EEA1: variants seen among roughly 807,000 people sequenced by gnomAD.
EEA1 encodes the protein early endosome antigen 1.
EEA1 carries 111 observed loss-of-function variants against 209.2 expected under a neutral mutation model. That is an observed-to-expected ratio of 0.53 (90% CI 0.45 to 0.62). The LOEUF (loss-of-function observed/expected upper bound fraction) is 0.62. Among genes scored for constraint, EEA1 ranks in the 20% least tolerant of loss-of-function variants. EEA1 has a pLI of 0.00. For synonymous variants in EEA1, 536 were observed against 540.6 expected (o/e 0.99, Z 0.12); for missense variants, 1,343 against 1,530.8 (o/e 0.88, Z 2.05).
In EEA1 at chr12:92,864,950, G is replaced by C; in HGVS notation, c.155C>G (p.Ser52Cys). ...ICPQCMKSLGSADELFKHYEA... is the reference protein window; with the variant it reads ...ICPQCMKSLGCADELFKHYEA... ...ATAATGTTTGAAAAGTTCATCAGCAGATCCAAGAGATTTCATACACTGGGG... is the reference window on the plus strand; with the variant it reads ...ATAATGTTTGAAAAGTTCATCAGCACATCCAAGAGATTTCATACACTGGGG... The change falls in exon 3 of 29, where the codon TCT becomes TGT. Residue 52 changes from serine (S) to cysteine (C), a missense_variant. By Grantham distance (112) the Ser-to-Cys change is moderately radical (BLOSUM62 -1). This residue lies in a region of EEA1 where 1,307 missense variants were observed against 1,465.5 expected (regional missense o/e 0.89). Transcript: ENST00000322349. The C allele has an allele frequency of 6.2e-7, 1 of 1,610,564 alleles. No individual in the cohort carries two copies. The highest frequency in any genetic ancestry group is 8.5e-7 in the Non-Finnish European group (1 of 1,178,452).
At chr12:92,917,903 TACC>T (rs1269195617) in intron 1 of EEA1, among the ~76,000 whole-genome samples, 1 of 46,214 alleles carries the variant, frequency 2.2e-5, no homozygotes, top group Non-Finnish European at 4.4e-5. Flanking sequence ...GAGGAAGATC[TACC>T]AAGCAAATGG....
chr12:92,903,297 T>C (rs909520744), intron 1 of EEA1, among the ~76,000 whole-genome samples: 1 of 151,710 alleles, frequency 6.6e-6, no homozygotes, highest in Non-Finnish European at 1.5e-5. Flanking sequence ...ATGAAGGTTA[T>C]GTAGAAAAAT....
At chr12:92,791,791 ACT>A (rs1874416675) in intron 21 of EEA1, among the ~76,000 whole-genome samples, 1 of 152,054 alleles carries the variant, frequency 6.6e-6, no homozygotes, top group Non-Finnish European at 1.5e-5. Context: ...CATCTACAGA[ACT>A]CTCCACCCCA....
chr12:92,812,132 C>A (rs537162323), intron 16 of EEA1, among the ~76,000 whole-genome samples: 3 of 152,178 alleles, frequency 2.0e-5, no homozygotes, highest in Admixed American at 6.5e-5. Flanking sequence ...GAGTTTGAGA[C>A]CAGCCTGACC....
intron 11 of EEA1, among the ~76,000 whole-genome samples, chr12:92,829,775 T>C (rs1395622360): frequency 1.1e-5 from 1 of 94,446 alleles, no homozygotes; most frequent in Non-Finnish European, 2.0e-5. Flanking sequence ...TGAAACTCTG[T>C]CTTAAAAAAA....
intron 3 of EEA1, 33 bp downstream of exon 3, chr12:92,864,827 A>T (rs1191350261): frequency 6.6e-7 from 1 of 1,520,296 alleles, no homozygotes; most frequent in Non-Finnish European, 8.8e-7. Flanking sequence ...TGCATATTCC[A>T]TAACATTATA....
At chr12:92,903,491 G>C (rs777855518) in intron 1 of EEA1, among the ~76,000 whole-genome samples, 2 of 151,456 alleles carry the variant, frequency 1.3e-5, no homozygotes, top group Non-Finnish European at 2.9e-5. Context: ...CCAGCTACTC[G>C]AGAGGCTGAG....
chr12:92,829,313 A>G (rs1876493512), intron 11 of EEA1, among the ~76,000 whole-genome samples: 1 of 152,130 alleles, frequency 6.6e-6, no homozygotes, highest in Non-Finnish European at 1.5e-5. Context: ...TCTCAAAAGA[A>G]AAGAAAAAGA....
In EEA1 at chr12:92,772,878, T is replaced by C. The variant is rs533042845; in HGVS notation, c.*3133A>G. On this transcript the variant is annotated 3_prime_UTR_variant, in exon 29 of 29. Transcript: ENST00000322349. Reference sequence around the variant, plus strand: ...ACTGCATTGTGTTACAATAAATTTATTACTTCTACACAGAAAGAACTTAGT... The same window carrying C: ...ACTGCATTGTGTTACAATAAATTTACTACTTCTACACAGAAAGAACTTAGT... 26 of 152,430 alleles carry C rather than the reference T, an allele frequency of 1.7e-4. No homozygotes were observed. Among genetic ancestry groups the C allele is most frequent in the African/African-American group, 6.0e-4 (25 of 41,566 alleles). 9.4% of individuals were successfully genotyped at this position (152,430 alleles called of 1,614,324 possible).
intron 1 of EEA1, among the ~76,000 whole-genome samples, chr12:92,918,785 C>CA (rs1037446314): frequency 2.6e-5 from 3 of 113,830 alleles, no homozygotes; most frequent in Admixed American, 1.7e-4. Flanking sequence ...AAAAACCCTT[C>CA]AAAAAATCAA....
Position 92,862,021 on chromosome 12 carries a change from G to A in EEA1, c.245+2839C>T, listed in dbSNP as rs574245450. ...TATTTGATTGATGTTGATGAAATTC[G>A]CATATAAGCTGATGAACAGAAGGCT... is the stretch of plus-strand genomic sequence containing the variant. On this transcript the variant is annotated intron_variant, in intron 3 of 28. Transcript: ENST00000322349. Among the ~76,000 whole-genome samples, 4 of 152,176 alleles carry A rather than the reference G, an allele frequency of 2.6e-5. No individual in the cohort carries two copies. In the South Asian group the frequency reaches 6.2e-4, roughly 24 times the overall value.
chr12:92,804,810 C>T (rs1279443461), intron 18 of EEA1, among the ~76,000 whole-genome samples: 1 of 151,984 alleles, frequency 6.6e-6, no homozygotes, highest in African/African-American at 2.4e-5. Context: ...TTGGGCTAAG[C>T]CCTGGGCTCA....
intron 3 of EEA1, chr12:92,858,206 T>C (rs994324869): frequency 2.4e-5 from 17 of 702,220 alleles, no homozygotes; most frequent in Non-Finnish European, 4.1e-5. Context: ...AGGCTGTCCT[T>C]GATGCCCACC....
Position 92,853,907 on chromosome 12 carries a change from A to G in EEA1, c.406+8T>C. ...AACTGACAAAATATCTGCTTTAAGT[A>G]AAGTTACCTGCTGATGAATCAGTCA... On this transcript the variant is annotated splice_region_variant and intron_variant, in intron 6 of 28. Transcript: ENST00000322349. 1 of 1,598,484 alleles carries G rather than the reference A, an allele frequency of 6.3e-7. No homozygotes were observed.
chr12:92,779,487 A>G (rs1592697615), intron 24 of EEA1, among the ~76,000 whole-genome samples, 187 bp from the exon 25 acceptor site: 1 of 152,244 alleles, frequency 6.6e-6, no homozygotes, highest in Non-Finnish European at 1.5e-5. Context: ...TTGCTCAACA[A>G]TCATTTAAAT....
At chr12:92,878,270 C>T (rs1878997791) in intron 2 of EEA1, among the ~76,000 whole-genome samples, 1 of 151,836 alleles carries the variant, frequency 6.6e-6, no homozygotes, top group Admixed American at 6.6e-5. Context: ...CATACAGCTA[C>T]CTTTGGAAAA....
chr12:92,890,867 C>T (rs186002547), intron 2 of EEA1, among the ~76,000 whole-genome samples: 318 of 152,044 alleles, frequency 2.1e-3, no homozygotes, highest in African/African-American at 6.9e-3. Flanking sequence ...TATCCAGAAA[C>T]GTATGCACAA....
chr12:92,890,109 G>T (rs1168109037), intron 2 of EEA1, among the ~76,000 whole-genome samples: 1 of 152,222 alleles, frequency 6.6e-6, no homozygotes, highest in Non-Finnish European at 1.5e-5. Context: ...GGTACCTGAA[G>T]ACGGGATTTC....
At chr12:92,793,895 A>C (rs539256471) in intron 21 of EEA1, among the ~76,000 whole-genome samples, 184 of 152,300 alleles carry the variant, frequency 1.2e-3, no homozygotes, top group African/African-American at 4.1e-3. Context: ...TAATTAAACT[A>C]AAGAGCTTCC....
Sources: gnomAD v4.1 joint callset for allele counts (sites outside exome capture counted in the v4.1 genomes callset) on GRCh38, gnomAD v4.1.1 for gene constraint, gnomAD v4.1.1 regional missense constraint, MANE v1.5 for transcripts, NCBI Gene and HGNC (gene_info 2026-07-23, HGNC 2026-07-21) for gene names.